CLINT1: variants seen among roughly 807,000 people sequenced by gnomAD.
The protein encoded by CLINT1 is clathrin interactor 1.
A neutral mutation model predicts 70.4 loss-of-function variants in CLINT1; 15 were observed. That is an observed-to-expected ratio of 0.21 (90% CI 0.14 to 0.33). The LOEUF is 0.33. CLINT1 is among the 10% of genes least tolerant of loss of function. CLINT1 has a pLI of 1.00. For missense variants in CLINT1, 615 were observed against 778.1 expected (o/e 0.79, Z 2.49); for synonymous variants, 227 against 254.7 (o/e 0.89, Z 1.04).
At chr5:157,803,421 C>G (rs1290359094) in intron 8 of CLINT1, among the ~76,000 whole-genome samples, 1 of 152,018 alleles carries the variant, frequency 6.6e-6, no homozygotes, top group Non-Finnish European at 1.5e-5. Flanking sequence ...TTTTGCTAGT[C>G]TGAGGGTGGG....
intron 1 of CLINT1, among the ~76,000 whole-genome samples, chr5:157,827,049 A>C (rs1480545603): frequency 1.3e-5 from 2 of 152,188 alleles, no homozygotes; most frequent in Non-Finnish European, 2.9e-5. Flanking sequence ...ATGGGGCAAA[A>C]TTAACCAGAC....
At chr5:157,840,487 A>C (rs1249593992) in intron 1 of CLINT1, among the ~76,000 whole-genome samples, 3 of 151,934 alleles carry the variant, frequency 2.0e-5, no homozygotes, top group Non-Finnish European at 4.4e-5. Flanking sequence ...AATCATCCTT[A>C]TTCTCAGGAA....
At chr5:157,790,757 G>A (rs144720744) in intron 10 of CLINT1, 103 of 375,278 alleles carry the variant, frequency 2.7e-4, no homozygotes, top group African/African-American at 2.0e-3. Context: ...TTCCAAGCCT[G>A]CACTTGTCTG....
chr5:157,794,976 G>C lies in CLINT1; in HGVS notation c.1013-4C>G, dbSNP rs1366985048. 6.4e-7 allele frequency: 1 copy of C among 1,551,320 alleles called. No homozygotes were observed. On this transcript the variant is annotated splice_region_variant and splice_polypyrimidine_tract_variant and intron_variant, in intron 8 of 11. Coordinates refer to ENST00000411809, the MANE Select transcript of CLINT1 (RefSeq NM_014666.4). ...CCGAATAAATCAGCTGATCCTCCTAGAAGTTAAGAAAAAGTTAAAACTGTT... is the reference window on the plus strand; with the variant it reads ...CCGAATAAATCAGCTGATCCTCCTACAAGTTAAGAAAAAGTTAAAACTGTT...
At chr5:157,821,004 C>T (rs946408630) in intron 1 of CLINT1, among the ~76,000 whole-genome samples, 1 of 152,150 alleles carries the variant, frequency 6.6e-6, no homozygotes, top group Non-Finnish European at 1.5e-5. Flanking sequence ...TACGGACTTT[C>T]ACCAATCCTA....
At position 157,809,761 on chromosome 5, in the gene CLINT1, A is replaced by G. The variant is rs190420001; in HGVS notation, c.562T>C (p.Trp188Arg). 6.2e-7 allele frequency: 1 copy of G among 1,612,910 alleles called. No individual in the cohort carries two copies. The highest frequency in any genetic ancestry group is 1.3e-5 in the African/African-American group (1 of 74,860). Residue 188 changes from tryptophan to arginine, a missense_variant, in exon 6 of 12, where the codon TGG (tryptophan) becomes CGG (arginine). Physicochemically the swap from Trp to Arg is moderately radical, Grantham distance 101 (BLOSUM62 -3). Transcript: ENST00000411809. The part of the protein sequence containing the change: ...PEPKSKWDEE[W>R]DKNKSAFPFS... ...GGAAAAGCACTCTTGTTTTTATCCC[A>G]CTCCTCATCCCATTTTGATTTGGGC...
intron 4 of CLINT1, among the ~76,000 whole-genome samples, chr5:157,813,798 C>A (rs1274168127): frequency 6.6e-6 from 1 of 152,178 alleles, no homozygotes; most frequent in African/African-American, 2.4e-5. Context: ...GGCCTTGCTG[C>A]CTTTGCACAG....
At position 157,837,411 on chromosome 5, in the gene CLINT1, TACACAC is replaced by T. The variant is rs112077491; in HGVS notation, c.42-19870_42-19865del. ...AAAGGAAGGATGGAATATATGTAAA[TACACAC>T]ACACACACACACACACACACACATA... On this transcript the variant is annotated intron_variant, in intron 1 of 11. Coordinates refer to ENST00000411809, the MANE Select transcript of CLINT1 (RefSeq NM_014666.4). Among the ~76,000 whole-genome samples the T allele has an allele frequency of 7.7e-3, 1,140 of 147,740 alleles. 13 individuals are homozygous for T. The highest frequency in any genetic ancestry group is 0.026 in the African/African-American group (1,039 of 40,362).
Position 157,826,210 on chromosome 5 carries a change from G to A in CLINT1, c.42-8663C>T, listed in dbSNP as rs372855381. ...CAAAATTATGAAAATGGAAATGTCTGTACAGACTGTTAACAATCTCCCACA... is the reference window on the plus strand; with the variant it reads ...CAAAATTATGAAAATGGAAATGTCTATACAGACTGTTAACAATCTCCCACA... On this transcript the variant is annotated intron_variant, in intron 1 of 11. Transcript: ENST00000411809. Among the ~76,000 whole-genome samples, 11 of 152,214 alleles carry A rather than the reference G, an allele frequency of 7.2e-5. No individual in the cohort carries two copies. In the South Asian group the frequency reaches 2.1e-3, roughly 29 times the overall value.
At chr5:157,821,620 T>C (rs114816891) in intron 1 of CLINT1, among the ~76,000 whole-genome samples, 3 of 152,224 alleles carry the variant, frequency 2.0e-5, no homozygotes, top group Non-Finnish European at 2.9e-5. Context: ...TTCTCTTTGC[T>C]TAAAACAAGA....
At position 157,794,586 on chromosome 5, in the gene CLINT1, C is replaced by T. The variant is rs867882369; in HGVS notation, c.1087+312G>A. On this transcript the variant is annotated intron_variant, in intron 9 of 11. Transcript: ENST00000411809. ...CTAAACACAAACTATAATATTCTTG[C>T]TGCTATTAAATAAAATGAGATGATA... Among the ~76,000 whole-genome samples the T allele has an allele frequency of 3.9e-5, 6 of 152,252 alleles. No homozygotes were observed. The Middle Eastern group carries it at 0.014, about 345-fold the overall frequency.
chr5:157,826,875 G>A (rs1367424096), intron 1 of CLINT1, among the ~76,000 whole-genome samples: 1 of 152,102 alleles, frequency 6.6e-6, no homozygotes, highest in East Asian at 1.9e-4. Flanking sequence ...CAGATTGTCA[G>A]TATTATAAAT....
intron 1 of CLINT1, among the ~76,000 whole-genome samples, chr5:157,826,007 A>G (rs1763024522): frequency 6.6e-6 from 1 of 152,200 alleles, no homozygotes; most frequent in Non-Finnish European, 1.5e-5. Flanking sequence ...CTTATAGATA[A>G]AATAGATAAA....
At chr5:157,858,848 AC>A (rs1482918140) in intron 1 of CLINT1, 81 bp downstream of exon 1, 19 of 1,236,632 alleles carry the variant, frequency 1.5e-5, no homozygotes, top group Non-Finnish European at 1.9e-5. Context: ...GACGTGGGCA[AC>A]CCCTAGCCCA....
chr5:157,829,451 AG>A (rs1763150075), intron 1 of CLINT1, among the ~76,000 whole-genome samples: 1 of 152,340 alleles, frequency 6.6e-6, no homozygotes, highest in African/African-American at 2.4e-5. Context: ...TGTTTAAACA[AG>A]GGCAACTTTA....
chr5:157,835,361 A>T (rs1214084621), intron 1 of CLINT1, among the ~76,000 whole-genome samples: 1 of 152,220 alleles, frequency 6.6e-6, no homozygotes, highest in African/African-American at 2.4e-5. Flanking sequence ...GTCTTTAAAT[A>T]AAAACACACA....
intron 9 of CLINT1, 56 bp from the exon 10 acceptor site, chr5:157,792,051 G>C: frequency 6.8e-7 from 1 of 1,475,948 alleles, no homozygotes; most frequent in Middle Eastern, 1.9e-4. Context: ...CAGAACAAAT[G>C]TAACAATCTA....
intron 6 of CLINT1, among the ~76,000 whole-genome samples, chr5:157,807,862 C>T (rs1404089147): frequency 3.9e-5 from 6 of 152,046 alleles, no homozygotes; most frequent in Admixed American, 3.3e-4. Flanking sequence ...GCCTACATAG[C>T]GTTATTGTTT....
chr5:157,823,715 TTAA>T (rs1276369769), intron 1 of CLINT1: 2 of 750,868 alleles, frequency 2.7e-6, no homozygotes, highest in Admixed American at 6.3e-5. Flanking sequence ...ATAAATCTTC[TTAA>T]TAATTTTTTT....
Sources: allele counts gnomAD v4.1 joint callset (sites outside exome capture counted in the v4.1 genomes callset), GRCh38; gene constraint gnomAD v4.1.1; transcripts MANE v1.5; gene names NCBI Gene and HGNC (gene_info 2026-07-23, HGNC 2026-07-21).